MRPL4: variants seen among roughly 807,000 people sequenced by gnomAD.
The protein encoded by MRPL4 is mitochondrial ribosomal protein L4.
In MRPL4, 34 loss-of-function variants were observed where a neutral mutation model predicts 34.1. The observed-to-expected ratio is 1.00, with a 90% CI of 0.76 to 1.33. MRPL4 has a LOEUF of 1.33. MRPL4 is among the 40% of genes most tolerant of loss of function. The pLI is 0.00. For missense variants in MRPL4, 402 were observed against 434.6 expected, an observed-to-expected ratio of 0.92 and a Z score of 0.67; for synonymous variants, 196 against 188.3, an observed-to-expected ratio of 1.04 and a Z score of -0.33.
upstream of MRPL4, chr19:10,252,044 G>T (rs944720085): frequency 5.2e-6 from 3 of 581,238 alleles, no homozygotes; most frequent in Non-Finnish European, 8.8e-6. Context: ...GGTCCTTGAG[G>T]CAGGAGTGAA....
Position 10,259,725 on chromosome 19 carries a change from T to G in MRPL4, c.848T>G (p.Leu283Arg), listed in dbSNP as rs138698456. Residue 283 changes from leucine to arginine, a missense_variant, in exon 9 of 9, where the codon CTC (leucine) becomes CGC (arginine). Coordinates refer to ENST00000253099, the MANE Select transcript of MRPL4 (RefSeq NM_015956.3). ...TGGCAGGACTCACGTTACAGACCCC[T>G]CTACCCCTTCAGCCTGCCCTACAGC... ...LLWQDSRYRP[L>R]YPFSLPYSDF... 1.6e-5 allele frequency: 26 copies of G among 1,613,614 alleles called. No homozygotes were observed. The African/African-American group carries it at 3.1e-4, about 19-fold the overall frequency.
chr19:10,257,981 G>A lies in MRPL4; in HGVS notation c.446-241G>A, dbSNP rs191144170. ...CCATCCTCAGCCTCCCAAAATGCTG[G>A]TGTGAGCCACCTTCGCCAGCCCTGT... On this transcript the variant is annotated intron_variant, in intron 5 of 8. Transcript: ENST00000253099. Among the ~76,000 whole-genome samples the A allele has an allele frequency of 1.8e-4, 28 of 152,110 alleles. No individual in the cohort carries two copies. The East Asian group carries it at 2.9e-3, about 16-fold the overall frequency.
Position 10,253,647 on chromosome 19 carries a change from C to T in MRPL4, c.276-942C>T, listed in dbSNP as rs117840122. Among the ~76,000 whole-genome samples, 108 of 151,810 alleles carry T rather than the reference C, an allele frequency of 7.1e-4. 1 individual carries two copies. In the East Asian group the frequency reaches 0.02, roughly 28 times the overall value. On this transcript the variant is annotated intron_variant, in intron 3 of 8. Coordinates refer to ENST00000253099, the MANE Select transcript of MRPL4 (RefSeq NM_015956.3). ...CTCTACCAAAAATACAAAAATTAGCCGGACGTCTTAGTGCAAGCCTGTAGT... is the reference window on the plus strand; with the variant it reads ...CTCTACCAAAAATACAAAAATTAGCTGGACGTCTTAGTGCAAGCCTGTAGT...
rs568096381 is a variant in MRPL4 at position 10,253,462 on chromosome 19, C to A, written c.275+761C>A. ...CCACTGCACTCCATCCTGGGCAACA[C>A]TCTGTCTCAAAAAAAAAAAAAAAAA... On this transcript the variant is annotated intron_variant, in intron 3 of 8. Transcript: ENST00000253099. Among the ~76,000 whole-genome samples, 140 of 111,120 alleles carry A rather than the reference C, an allele frequency of 1.3e-3. 3 individuals carry two copies. The highest frequency in any genetic ancestry group is 4.8e-3 in the African/African-American group (135 of 27,908). 72.9% of individuals were successfully genotyped at this position (111,120 alleles called of 152,430 possible). A position where few individuals can be genotyped will look rare whatever the true frequency, so the allele number is the denominator to read the frequency against.
Position 10,256,716 on chromosome 19 carries a change from C to T in MRPL4, c.336C>T (p.Ala112=). Reference sequence around the variant, plus strand: ...CCTCTTTGTGCCTCCAGAGCTATGCCAAGACCAAGACGAGAGCCGAGGTGC... The same window carrying T: ...CCTCTTTGTGCCTCCAGAGCTATGCTAAGACCAAGACGAGAGCCGAGGTGC... ...WQKNFKRISY[A]KTKTRAEVRG... The change falls in exon 5 of 9, where the codon GCC becomes GCT. Residue 112 remains alanine (A), a synonymous_variant. Coordinates refer to ENST00000253099, the MANE Select transcript of MRPL4 (RefSeq NM_015956.3). 1 of 1,610,528 alleles carries T rather than the reference C, an allele frequency of 6.2e-7. No homozygotes were observed. The highest frequency in any genetic ancestry group is 8.5e-7 in the Non-Finnish European group (1 of 1,178,328).
In MRPL4 at chr19:10,259,735, C is replaced by T. The variant is rs2039893495; in HGVS notation, c.858C>T (p.Phe286=). ...QDSRYRPLYP[F]SLPYSDFPRP... ...CACGTTACAGACCCCTCTACCCCTTCAGCCTGCCCTACAGCGACTTCCCCC... is the reference window on the plus strand; with the variant it reads ...CACGTTACAGACCCCTCTACCCCTTTAGCCTGCCCTACAGCGACTTCCCCC... The change falls in exon 9 of 9, where the codon TTC becomes TTT. Residue 286 remains phenylalanine (F), a synonymous_variant. Coordinates refer to ENST00000253099, the MANE Select transcript of MRPL4 (RefSeq NM_015956.3). 9.3e-6 allele frequency: 15 copies of T among 1,614,090 alleles called. No individual in the cohort carries two copies. The highest frequency in any genetic ancestry group is 1.3e-5 in the Non-Finnish European group (15 of 1,179,980).
intron 4 of MRPL4, 52 bp downstream of exon 4, chr19:10,254,692 G>A: frequency 6.2e-7 from 1 of 1,604,660 alleles, no homozygotes; most frequent in Non-Finnish European, 8.5e-7. Context: ...TGGGGAGGTT[G>A]GGGATAGGAC....
chr19:10,253,372 T>A (rs374501055), intron 3 of MRPL4, among the ~76,000 whole-genome samples: 1 of 143,850 alleles, frequency 7.0e-6, no homozygotes, highest in Admixed American at 7.3e-5. Flanking sequence ...CCAGGTACTC[T>A]GGAGGCTGAG....
chr19:10,257,284 A>T (rs2039861263), intron 5 of MRPL4, among the ~76,000 whole-genome samples: 1 of 151,324 alleles, frequency 6.6e-6, no homozygotes, highest in African/African-American at 2.4e-5. Context: ...GGCAGAGATG[A>T]CTCTCTCTTG....
chr19:10,256,477 C>T (rs1158163691), intron 4 of MRPL4, among the ~76,000 whole-genome samples: 1 of 152,082 alleles, frequency 6.6e-6, no homozygotes, highest in African/African-American at 2.4e-5. Context: ...CAGAAAATAC[C>T]GAGCACCCCC....
In MRPL4 at chr19:10,252,272, G is replaced by T; in HGVS notation, c.19G>T (p.Ala7Ser). Residue 7 changes from alanine to serine, a missense_variant, in exon 1 of 9, where the codon GCC becomes TCC. Transcript: ENST00000253099. ...CGCGGCGATGCTGCAGTTCGTCCGGGCCGGGGCGCGGGCCTGGCTTCGGCC... is the reference window on the plus strand; with the variant it reads ...CGCGGCGATGCTGCAGTTCGTCCGGTCCGGGGCGCGGGCCTGGCTTCGGCC... MLQFVRAGARAWLRPTG... is the reference protein window; with the variant it reads MLQFVRSGARAWLRPTG... 1 of 1,608,678 alleles carries T rather than the reference G, an allele frequency of 6.2e-7. No individual in the cohort carries two copies. The highest frequency in any genetic ancestry group is 2.2e-5 in the East Asian group (1 of 44,798).
At position 10,256,730 on chromosome 19, in the gene MRPL4, G is replaced by T. The variant is rs765500256; in HGVS notation, c.350G>T (p.Arg117Ile). Residue 117 changes from arginine to isoleucine, a missense_variant, in exon 5 of 9, where the codon AGA becomes ATA. Physicochemically the swap from Arg to Ile is moderately conservative, Grantham distance 97. Transcript: ENST00000253099. ...KRISYAKTKTRAEVRGGGRKP... is the reference protein window; with the variant it reads ...KRISYAKTKTIAEVRGGGRKP... Reference sequence around the variant, plus strand: ...CAGAGCTATGCCAAGACCAAGACGAGAGCCGAGGTGCGGGGCGGTGGCCGG... The same window carrying T: ...CAGAGCTATGCCAAGACCAAGACGATAGCCGAGGTGCGGGGCGGTGGCCGG... 10 of 1,607,916 alleles carry T rather than the reference G, an allele frequency of 6.2e-6. No individual in the cohort carries two copies. Among genetic ancestry groups the T allele is most frequent in the Non-Finnish European group, 8.5e-6 (10 of 1,177,180 alleles).
rs374501092 is a variant in MRPL4 at position 10,259,682 on chromosome 19, C to G, written c.805C>G (p.Leu269Val). The G allele has an allele frequency of 6.2e-7, 1 of 1,613,080 alleles. No individual in the cohort carries two copies. Among genetic ancestry groups the G allele is most frequent in the Admixed American group, 1.7e-5 (1 of 59,852 alleles). The stretch of plus-strand genomic sequence containing the variant: ...CCTGACGCTGCCCACCGTCGCCTTC[C>G]TGGAGGACAAGCTGCTCTGGCAGGA... ...LVLTLPTVAF[L>V]EDKLLWQDSR... The change falls in exon 9 of 9, where the codon CTG (leucine) becomes GTG (valine). Residue 269 changes from leucine to valine, a missense_variant. Transcript: ENST00000253099.
intron 4 of MRPL4, among the ~76,000 whole-genome samples, chr19:10,255,886 C>G (rs2039846809): frequency 6.6e-6 from 1 of 152,148 alleles, no homozygotes; most frequent in Admixed American, 6.6e-5. Context: ...TGGCTCACAC[C>G]TGTAATCTCA....
intron 8 of MRPL4, 73 bp from the exon 9 acceptor site, chr19:10,259,544 G>A (rs574077389): frequency 5.7e-5 from 87 of 1,537,454 alleles, no homozygotes; most frequent in Admixed American, 1.9e-4. Context: ...AAGGGACTCC[G>A]ATGTGGGTGG....
At chr19:10,252,108 C>A, upstream of MRPL4, 1 of 977,914 alleles carries the variant, frequency 1.0e-6, no homozygotes, top group Non-Finnish European at 1.5e-6. Flanking sequence ...CCGGGTCGGA[C>A]CCCCTCCATC....
chr19:10,258,913 G>C, intron 8 of MRPL4: 2 of 1,446,262 alleles, frequency 1.4e-6, no homozygotes, highest in Non-Finnish European at 1.8e-6. Flanking sequence ...AGGCAGTCTG[G>C]GCAATATAGT....
In MRPL4 at chr19:10,252,449, A is replaced by G; in HGVS notation, c.110A>G (p.Gln37Arg). ...GCGCGTGCGACCGAGAACCCGGAGC[A>G]GGTGGCGAGCGAGGGTAAGGCAACC... is the stretch of plus-strand genomic sequence containing the variant. ...EAARATENPEQVASEGLPEPV... is the reference protein window; with the variant it reads ...EAARATENPERVASEGLPEPV... Residue 37 changes from glutamine (Q) to arginine (R), a missense_variant, in exon 2 of 9, where the codon CAG becomes CGG. By Grantham distance (43) the Gln-to-Arg change is conservative. Coordinates refer to ENST00000253099, the MANE Select transcript of MRPL4 (RefSeq NM_015956.3). 1 of 1,613,968 alleles carries G rather than the reference A, an allele frequency of 6.2e-7. No individual in the cohort carries two copies. The highest frequency in any genetic ancestry group is 8.5e-7 in the Non-Finnish European group (1 of 1,179,950).
At chr19:10,258,832 A>G (rs2039878801) in intron 8 of MRPL4, 147 bp downstream of exon 8, 1 of 1,581,664 alleles carries the variant, frequency 6.3e-7, no homozygotes, top group Non-Finnish European at 8.5e-7. Context: ...CCAAAGCAAT[A>G]ATCTTTCCTA....
Sources: allele counts gnomAD v4.1 joint callset (sites outside exome capture counted in the v4.1 genomes callset), GRCh38; gene constraint gnomAD v4.1.1; transcripts MANE v1.5; gene names NCBI Gene and HGNC (gene_info 2026-07-23, HGNC 2026-07-21).